Variants in CMC2 observed in about 807,000 individuals in gnomAD.
CMC2 encodes the protein C-X9-C motif containing 2.
In CMC2, 5 loss-of-function variants were observed where a neutral mutation model predicts 7.5. The observed-to-expected ratio is 0.66, with a 90% CI of 0.35 to 1.40. The LOEUF (loss-of-function observed/expected upper bound fraction) is 1.40, where lower values mean the gene tolerates loss of function less well. CMC2 is among the 40% of genes most tolerant of loss of function. The pLI is 0.04. For missense variants in CMC2, 115 were observed against 92.3 expected (o/e 1.25, Z -1.01); for synonymous variants, 37 against 31.4 (o/e 1.18, Z -0.60).
At chr16:80,997,575 T>A in intron 1 of CMC2, 146 bp from the exon 2 acceptor site, 1 of 502,674 alleles carries the variant, frequency 2.0e-6, no homozygotes. Context: ...TTATTAAACT[T>A]GAGACAAAGC....
chr16:80,981,712 T>C, intron 3 of CMC2, 94 bp downstream of exon 3: 1 of 760,422 alleles, frequency 1.3e-6, no homozygotes, highest in Non-Finnish European at 2.1e-6. Context: ...TACACTAAAA[T>C]GTGGGAAAAA....
intron 2 of CMC2, 158 bp downstream of exon 2, chr16:80,997,156 A>G (rs1209707470): frequency 1.6e-6 from 1 of 613,506 alleles, no homozygotes. Flanking sequence ...GTGTAAAAAA[A>G]AGAAAAAAAT....
At chr16:80,991,240 C>T (rs982506692) in intron 2 of CMC2, among the ~76,000 whole-genome samples, 8 of 152,170 alleles carry the variant, frequency 5.3e-5, no homozygotes, top group Admixed American at 1.3e-4. Flanking sequence ...TACTCCACCA[C>T]CTTGGAGGAA....
chr16:80,984,272 A>G (rs890285958), intron 2 of CMC2, among the ~76,000 whole-genome samples: 7 of 152,194 alleles, frequency 4.6e-5, no homozygotes, highest in Non-Finnish European at 1.0e-4. Context: ...CAGCATGGTG[A>G]TCTGTTTTAT....
chr16:80,984,288 C>T (rs148642429), intron 2 of CMC2, among the ~76,000 whole-genome samples: 578 of 152,338 alleles, frequency 3.8e-3, no homozygotes, highest in Middle Eastern at 0.034. Flanking sequence ...TTTATAATGA[C>T]AGGTCATAAA....
chr16:80,994,314 C>G (rs1174952579), intron 2 of CMC2, among the ~76,000 whole-genome samples: 3 of 151,642 alleles, frequency 2.0e-5, no homozygotes, highest in African/African-American at 7.3e-5. Context: ...ACAGGAGTAT[C>G]TTTGTGACCA....
At chr16:80,988,508 C>G in intron 2 of CMC2, 1 of 693,304 alleles carries the variant, frequency 1.4e-6, no homozygotes, top group Non-Finnish European at 2.6e-6. Context: ...AGTAACATTT[C>G]ACCAAATTTG....
At position 80,969,714 on chromosome 16, in the gene CMC2, C is replaced by T. The variant is rs1911788367; in HGVS notation, c.*6379G>A. 6.6e-6 allele frequency: 1 copy of T among 152,156 alleles called. No individual in the cohort carries two copies. The highest frequency in any genetic ancestry group is 2.1e-4 in the South Asian group (1 of 4,816). The allele number at this position is 152,156 out of a possible 1,614,324, so 9.4% of individuals were successfully genotyped here. A position where few individuals can be genotyped will look rare whatever the true frequency, so the allele number is the denominator to read the frequency against. ...ACCAGCCTGGGCAACATGGTGAAAC[C>T]CCGTCTCTACTAAAAGGACAAAAAA... is the stretch of plus-strand genomic sequence containing the variant. On this transcript the variant is annotated 3_prime_UTR_variant, in exon 4 of 4. Coordinates refer to ENST00000219400, the MANE Select transcript of CMC2 (RefSeq NM_020188.5).
chr16:80,987,298 A>C (rs1475575100), intron 2 of CMC2, among the ~76,000 whole-genome samples: 1 of 152,224 alleles, frequency 6.6e-6, no homozygotes, highest in Non-Finnish European at 1.5e-5. Context: ...TAATAAGAAG[A>C]AGAGAAAAAG....
In CMC2 at chr16:80,971,882, G is replaced by T. The variant is rs1911955291; in HGVS notation, c.*4211C>A. 1 of 152,084 alleles carries T rather than the reference G, an allele frequency of 6.6e-6. No homozygotes were observed. Among genetic ancestry groups the T allele is most frequent in the Non-Finnish European group, 1.5e-5 (1 of 68,030 alleles). The allele number at this position is 152,084 out of a possible 1,614,324, so 9.4% of individuals were successfully genotyped here. A position where few individuals can be genotyped will look rare whatever the true frequency, so the allele number is the denominator to read the frequency against. On this transcript the variant is annotated 3_prime_UTR_variant, in exon 4 of 4. Coordinates refer to ENST00000219400, the MANE Select transcript of CMC2 (RefSeq NM_020188.5). ...ATACCACAAAAAAGGTCCTTTACAG[G>T]ATTTGGGCAATCTTCCCTTTTGCTC...
rs1032329084 is a variant in CMC2, at chr16:80,969,385, G to A, written c.*6708C>T. On this transcript the variant is annotated 3_prime_UTR_variant, in exon 4 of 4. Transcript: ENST00000219400. Reference sequence around the variant, plus strand: ...CAGATATTCACTGCAAAGCCCGGAGGGCCAATTTGAGAACAGCAATTGGTA... The same window carrying A: ...CAGATATTCACTGCAAAGCCCGGAGAGCCAATTTGAGAACAGCAATTGGTA... The A allele has an allele frequency of 1.3e-5, 2 of 152,220 alleles. No homozygotes were observed. The highest frequency in any genetic ancestry group is 2.9e-5 in the Non-Finnish European group (2 of 68,096). 9.4% of individuals were successfully genotyped at this position (152,220 alleles called of 1,614,324 possible).
At chr16:80,998,014 G>A (rs1487004044) in intron 1 of CMC2, 1 of 151,388 alleles carries the variant, frequency 6.6e-6, no homozygotes. Context: ...ACATGAAGCT[G>A]AAATCCCTGA....
intron 1 of CMC2, chr16:80,998,937 A>G (rs570048228): frequency 1.0e-5 from 1 of 95,706 alleles, no homozygotes; most frequent in African/African-American, 2.9e-5. Context: ...GGCACTGAAG[A>G]ACATACCTCA....
chr16:81,004,443 T>C (rs977009419), intron 1 of CMC2, among the ~76,000 whole-genome samples: 3 of 152,254 alleles, frequency 2.0e-5, no homozygotes, highest in African/African-American at 7.2e-5. Context: ...TTAACTACTC[T>C]GACTTCCATC....
In CMC2 at chr16:81,006,744, G is replaced by C; in HGVS notation, c.-46C>G. ...ACTCCCGAGACTCACCCGACTCGTG[G>C]CCACACCGGGAGAACTGAAGCGGCA... is the stretch of plus-strand genomic sequence containing the variant. On this transcript the variant is annotated 5_prime_UTR_variant, in exon 1 of 4. Coordinates refer to ENST00000219400, the MANE Select transcript of CMC2 (RefSeq NM_020188.5). The C allele has an allele frequency of 1.0e-6, 1 of 985,628 alleles. No homozygotes were observed. The highest frequency in any genetic ancestry group is 1.1e-4 in the East Asian group (1 of 8,814). 61.1% of individuals were successfully genotyped at this position (985,628 alleles called of 1,614,324 possible). A position where few individuals can be genotyped will look rare whatever the true frequency, so the allele number is the denominator to read the frequency against.
intron 2 of CMC2, chr16:80,991,869 C>G: frequency 2.2e-6 from 1 of 449,514 alleles, no homozygotes; most frequent in Admixed American, 2.4e-5. Context: ...CAAACCTTTT[C>G]GGGTCATCAA....
intron 2 of CMC2, among the ~76,000 whole-genome samples, chr16:80,984,568 T>A (rs936519353): frequency 2.0e-5 from 3 of 152,168 alleles, no homozygotes; most frequent in Non-Finnish European, 2.9e-5. Context: ...AAACTTTTTG[T>A]ACTTAATTTT....
chr16:81,005,015 G>C (rs887250114), intron 1 of CMC2, among the ~76,000 whole-genome samples: 1 of 152,212 alleles, frequency 6.6e-6, no homozygotes, highest in Non-Finnish European at 1.5e-5. Flanking sequence ...TTACACTACA[G>C]TTGTAATTTC....
chr16:80,980,052 G>C (rs908812452), intron 3 of CMC2, among the ~76,000 whole-genome samples: 7 of 152,146 alleles, frequency 4.6e-5, no homozygotes, highest in Non-Finnish European at 7.3e-5. Flanking sequence ...CCAAGTAGCT[G>C]GGACCACAGG....
Sources: gnomAD v4.1 joint callset for allele counts (sites outside exome capture counted in the v4.1 genomes callset) on GRCh38, gnomAD v4.1.1 for gene constraint, MANE v1.5 for transcripts, NCBI Gene and HGNC (gene_info 2026-07-23, HGNC 2026-07-21) for gene names.